Variants in EXOC4 observed in about 807,000 individuals in gnomAD.
EXOC4 encodes the protein exocyst complex component 4.
EXOC4 carries 71 observed loss-of-function variants against 107.2 expected under a neutral mutation model. The ratio of observed to expected loss-of-function variants is 0.66; its 90% confidence interval spans 0.55 to 0.81. The LOEUF (loss-of-function observed/expected upper bound fraction) is 0.81, where lower values mean the gene tolerates loss of function less well. EXOC4 is among the 30% of genes least tolerant of loss of function. The pLI is 0.00. For synonymous variants in EXOC4, 456 were observed against 441.2 expected (o/e 1.03, Z -0.42); for missense variants, 1,108 against 1,189.6 (o/e 0.93, Z 1.01).
At chr7:133,978,267 A>G (rs1003616734) in intron 14 of EXOC4, among the ~76,000 whole-genome samples, 1 of 152,228 alleles carries the variant, frequency 6.6e-6, no homozygotes, top group Admixed American at 6.5e-5. Context: ...GCACTATTCT[A>G]GAATCACAAA....
intron 9 of EXOC4, among the ~76,000 whole-genome samples, chr7:133,606,517 ATTTTTT>A (rs56086076): frequency 7.3e-6 from 1 of 136,920 alleles, no homozygotes; most frequent in East Asian, 2.0e-4. Flanking sequence ...TATTATTATT[ATTTTTT>A]TTTTTTTTTG....
At chr7:133,260,734 C>T (rs147318324) in intron 1 of EXOC4, among the ~76,000 whole-genome samples, 14 of 152,218 alleles carry the variant, frequency 9.2e-5, no homozygotes, top group Admixed American at 2.0e-4. Context: ...ATTGAGTCTT[C>T]TGATCCATGG....
intron 10 of EXOC4, among the ~76,000 whole-genome samples, chr7:133,686,991 TTTTGTGTG>T (rs1319465574): frequency 0.14 from 20,117 of 144,620 alleles, 1,456 homozygotes; most frequent in African/African-American, 0.21. Flanking sequence ...GGATAAAGAA[TTTTGTGTG>T]TGTGTGTGTG....
intron 7 of EXOC4, among the ~76,000 whole-genome samples, chr7:133,450,176 T>C (rs1798309395): frequency 6.6e-6 from 1 of 152,102 alleles, no homozygotes. Flanking sequence ...TTTGGGTTAT[T>C]ATTATTTTTT....
At chr7:133,622,814 G>C (rs1802366259) in intron 9 of EXOC4, among the ~76,000 whole-genome samples, 2 of 152,034 alleles carry the variant, frequency 1.3e-5, no homozygotes, top group African/African-American at 2.4e-5. Flanking sequence ...ACTGTGATCT[G>C]GATCCTTTTA....
At chr7:133,258,822 G>A (rs1201660278) in intron 1 of EXOC4, among the ~76,000 whole-genome samples, 5 of 152,158 alleles carry the variant, frequency 3.3e-5, no homozygotes, top group Non-Finnish European at 7.3e-5. Flanking sequence ...TTGAGAGTCA[G>A]CTGAAGAAGC....
At chr7:133,306,155 C>G in intron 4 of EXOC4, 94 bp downstream of exon 4, 7 of 1,113,576 alleles carry the variant, frequency 6.3e-6, no homozygotes, top group Non-Finnish European at 7.6e-6. Context: ...ATTTATTTTA[C>G]TTTTCCTTTA....
In EXOC4 at chr7:134,007,703, T is replaced by A. The variant is rs961922706; in HGVS notation, c.2555T>A (p.Leu852His). The A allele has an allele frequency of 3.1e-6, 5 of 1,613,370 alleles. No homozygotes were observed. The African/African-American group carries it at 6.7e-5, about 22-fold the overall frequency. ...EGLGHLISCILINGAQYFRRI... is the reference protein window; with the variant it reads ...EGLGHLISCIHINGAQYFRRI... ...CTGGGCCACCTGATCTCCTGCATCC[T>A]CATTAATGGTGCCCAGTACTTCAGG... The change falls in exon 17 of 18, where the codon CTC (leucine) becomes CAC (histidine). Residue 852 changes from leucine (L) to histidine (H), a missense_variant. Coordinates refer to ENST00000253861, the MANE Select transcript of EXOC4 (RefSeq NM_021807.4).
intron 14 of EXOC4, among the ~76,000 whole-genome samples, chr7:133,978,353 C>T (rs962634171): frequency 1.3e-5 from 2 of 152,166 alleles, no homozygotes; most frequent in Non-Finnish European, 2.9e-5. Flanking sequence ...GGGCACTTTC[C>T]AAAAATCCTT....
At chr7:133,654,025 TC>T (rs1803227193) in intron 10 of EXOC4, among the ~76,000 whole-genome samples, 1 of 152,140 alleles carries the variant, frequency 6.6e-6, no homozygotes, top group African/African-American at 2.4e-5. Context: ...TAGAAATTTT[TC>T]CCCCTTTGGG....
intron 10 of EXOC4, among the ~76,000 whole-genome samples, chr7:133,693,631 C>T (rs1347031316): frequency 3.3e-5 from 5 of 152,058 alleles, no homozygotes; most frequent in Non-Finnish European, 7.4e-5. Flanking sequence ...TTCCAGGGCC[C>T]ACTCTCTTGA....
At chr7:133,852,386 C>G (rs952397478) in intron 11 of EXOC4, among the ~76,000 whole-genome samples, 1 of 152,094 alleles carries the variant, frequency 6.6e-6, no homozygotes, top group South Asian at 2.1e-4. Context: ...TTTCTAAGGA[C>G]TATAGTCTGT....
intron 7 of EXOC4, among the ~76,000 whole-genome samples, chr7:133,378,887 T>G (rs1796552444): frequency 6.6e-6 from 1 of 151,984 alleles, no homozygotes; most frequent in African/African-American, 2.4e-5. Flanking sequence ...AATAATTACA[T>G]TAGACATAAA....
intron 5 of EXOC4, among the ~76,000 whole-genome samples, chr7:133,321,108 A>C (rs566984187): frequency 1.3e-5 from 2 of 152,334 alleles, no homozygotes; most frequent in African/African-American, 4.8e-5. Context: ...AGGAAGTTCC[A>C]TTAGGGAATC....
At chr7:133,511,192 A>C (rs986485118) in intron 9 of EXOC4, among the ~76,000 whole-genome samples, 4 of 152,176 alleles carry the variant, frequency 2.6e-5, no homozygotes, top group Non-Finnish European at 5.9e-5. Flanking sequence ...AAAAAAGAAG[A>C]AGCACACCAG....
intron 14 of EXOC4, among the ~76,000 whole-genome samples, chr7:133,951,465 C>T (rs1800689008): frequency 6.6e-6 from 1 of 152,158 alleles, no homozygotes; most frequent in African/African-American, 2.4e-5. Flanking sequence ...AGCTCTTTTC[C>T]TCATTCTTAG....
chr7:133,404,886 A>C, intron 7 of EXOC4, among the ~76,000 whole-genome samples: 1 of 2,946 alleles, frequency 3.4e-4, no homozygotes, highest in Non-Finnish European at 5.6e-4. Context: ...CCCCCCCAAT[A>C]CACACACACA....
intron 9 of EXOC4, among the ~76,000 whole-genome samples, chr7:133,570,603 C>A (rs529363970): frequency 1.2e-3 from 182 of 152,254 alleles, no homozygotes; most frequent in Non-Finnish European, 2.2e-3. Flanking sequence ...GTGGCAGGCA[C>A]ACTTTGAGAA....
intron 10 of EXOC4, among the ~76,000 whole-genome samples, chr7:133,735,667 A>C (rs1304057179): frequency 6.6e-6 from 1 of 151,928 alleles, no homozygotes; most frequent in Admixed American, 6.6e-5. Flanking sequence ...CTGAGGAACG[A>C]GTTGTCTTCT....
Sources: gnomAD v4.1 joint callset for allele counts (sites outside exome capture counted in the v4.1 genomes callset) on GRCh38, gnomAD v4.1.1 for gene constraint, MANE v1.5 for transcripts, NCBI Gene and HGNC (gene_info 2026-07-23, HGNC 2026-07-21) for gene names.